TUFT1: variants seen among roughly 807,000 people sequenced by gnomAD.
TUFT1 encodes tuftelin.
Under a neutral mutation model 57.8 loss-of-function variants are expected in TUFT1, and 43 were observed. That is an observed-to-expected ratio of 0.74 (90% CI 0.58 to 0.96). TUFT1 has a LOEUF of 0.96. Among genes scored for constraint, TUFT1 ranks in the 40% least tolerant of loss-of-function variants. The pLI is 0.00. For missense variants in TUFT1, 459 were observed against 489.0 expected (o/e 0.94, Z 0.58); for synonymous variants, 166 against 176.7 (o/e 0.94, Z 0.48).
chr1:151,559,977 G>T (rs527383089), intron 1 of TUFT1, among the ~76,000 whole-genome samples: 2 of 151,604 alleles, frequency 1.3e-5, no homozygotes, highest in Non-Finnish European at 2.9e-5. Flanking sequence ...TGTATTTTTG[G>T]TAGAGATGGG....
Position 151,574,976 on chromosome 1 carries a change from C to T in TUFT1, c.789C>T (p.Asn263=). 6.4e-7 allele frequency: 1 copy of T among 1,572,042 alleles called. No homozygotes were observed. The highest frequency in any genetic ancestry group is 8.6e-7 in the Non-Finnish European group (1 of 1,158,096). Reference sequence around the variant, plus strand: ...TGGCCCTAGAGGAACTTCGGAGCAACAATGCTGACTGCCAAGCAGAACGAG... The same window carrying T: ...TGGCCCTAGAGGAACTTCGGAGCAATAATGCTGACTGCCAAGCAGAACGAG... ...GEVALEELRS[N]NADCQAEREK... is the part of the protein sequence containing the mutation. The change falls in exon 9 of 13, where the codon AAC becomes AAT. Residue 263 remains asparagine, a synonymous_variant. Coordinates refer to ENST00000368849, the MANE Select transcript of TUFT1 (RefSeq NM_020127.3).
chr1:151,547,756 A>G (rs1276825659), intron 1 of TUFT1, among the ~76,000 whole-genome samples: 1 of 152,156 alleles, frequency 6.6e-6, no homozygotes, highest in Admixed American at 6.5e-5. Flanking sequence ...GGTGTCCTAG[A>G]GTGAGACTGG....
intron 10 of TUFT1, 24 bp from the exon 11 acceptor site, chr1:151,579,625 C>A: frequency 1.2e-6 from 2 of 1,612,958 alleles, no homozygotes; most frequent in South Asian, 1.1e-5. Flanking sequence ...AAAATGAGCT[C>A]CAGTGTCTCC....
intron 1 of TUFT1, among the ~76,000 whole-genome samples, chr1:151,554,641 A>G (rs528396705): frequency 7.5e-6 from 1 of 132,574 alleles, no homozygotes; most frequent in South Asian, 2.4e-4. Flanking sequence ...CTCGTGATCT[A>G]CCTACCTTGG....
chr1:151,555,049 C>T (rs1366212479), intron 1 of TUFT1, among the ~76,000 whole-genome samples: 22 of 147,616 alleles, frequency 1.5e-4, no homozygotes, highest in African/African-American at 4.0e-4. Flanking sequence ...ATTTTAAGGC[C>T]GGGCATGGTG....
At position 151,556,198 on chromosome 1, in the gene TUFT1, A is replaced by G. The variant is rs142194187; in HGVS notation, c.61-5893A>G. 5.1e-3 allele frequency among the ~76,000 whole-genome samples: 780 copies of G among 152,320 alleles called. 26 individuals carry two copies. Among genetic ancestry groups the G allele is most frequent in the Admixed American group, 0.039 (604 of 15,302 alleles). ...AGTTTGATCCTTTTTATTGCTGAGTAGTATTCCACAATAACAGATGTGCCA... is the reference window on the plus strand; with the variant it reads ...AGTTTGATCCTTTTTATTGCTGAGTGGTATTCCACAATAACAGATGTGCCA... On this transcript the variant is annotated intron_variant, in intron 1 of 12. Transcript: ENST00000368849.
intron 1 of TUFT1, among the ~76,000 whole-genome samples, chr1:151,542,338 A>G (rs1211494150): frequency 6.6e-6 from 1 of 151,706 alleles, no homozygotes; most frequent in Non-Finnish European, 1.5e-5. Flanking sequence ...CTCCTACCTC[A>G]GTCTCCCCAA....
At position 151,574,359 on chromosome 1, in the gene TUFT1, A is replaced by G. The variant is rs781298619; in HGVS notation, c.684A>G (p.Glu228=). The change falls in exon 8 of 13, where the codon GAA becomes GAG. Residue 228 remains glutamate (E), a synonymous_variant. Transcript: ENST00000368849. ...EEDRVEQKEA[E]VGELQRRLLG... is the part of the protein sequence containing the mutation. ...ACAGAGTGGAGCAGAAAGAGGCAGA[A>G]GTCGGAGAGCTGCAGAGGCGCTTGC... 1 of 1,614,172 alleles carries G rather than the reference A, an allele frequency of 6.2e-7. No homozygotes were observed. The highest frequency in any genetic ancestry group is 8.5e-7 in the Non-Finnish European group (1 of 1,180,012).
chr1:151,557,872 G>A, intron 1 of TUFT1: 1 of 733,100 alleles, frequency 1.4e-6, no homozygotes, highest in East Asian at 2.6e-5. Flanking sequence ...TGAGGCTGGG[G>A]CTGGGTCAGC....
At chr1:151,542,668 G>A (rs1476705788) in intron 1 of TUFT1, among the ~76,000 whole-genome samples, 1 of 152,194 alleles carries the variant, frequency 6.6e-6, no homozygotes, top group African/African-American at 2.4e-5. Context: ...TCTAGAGCAA[G>A]GGAGAGACAG....
chr1:151,561,615 C>T (rs1571701469), intron 1 of TUFT1: 3 of 1,186,406 alleles, frequency 2.5e-6, no homozygotes, highest in East Asian at 6.0e-5. Context: ...CCATGTGGCT[C>T]ATAGAAATGG....
chr1:151,576,747 G>C (rs1666476113), intron 9 of TUFT1, among the ~76,000 whole-genome samples: 1 of 152,010 alleles, frequency 6.6e-6, no homozygotes, highest in Non-Finnish European at 1.5e-5. Context: ...CAGCCTCCCA[G>C]GAGGTAGCTA....
Position 151,557,399 on chromosome 1 carries a change from C to G in TUFT1, c.61-4692C>G, listed in dbSNP as rs1173645464. On this transcript the variant is annotated intron_variant, in intron 1 of 12. Transcript: ENST00000368849. ...AATCATCAAATGTAACTTAGAAAACCTAAGAGGGGCTTTCCAGCCCCAGCC... is the reference window on the plus strand; with the variant it reads ...AATCATCAAATGTAACTTAGAAAACGTAAGAGGGGCTTTCCAGCCCCAGCC... The G allele has an allele frequency of 6.0e-6, 5 of 830,432 alleles. No individual in the cohort carries two copies. The African/African-American group carries it at 6.8e-5, about 11-fold the overall frequency. The allele number at this position is 830,432 out of a possible 1,614,324, so 51.4% of individuals were successfully genotyped here. A position where few individuals can be genotyped will look rare whatever the true frequency, so the allele number is the denominator to read the frequency against.
chr1:151,578,709 C>A lies in TUFT1; in HGVS notation c.819-12C>A. 2 of 1,550,274 alleles carry A rather than the reference C, an allele frequency of 1.3e-6. No individual in the cohort carries two copies. Among genetic ancestry groups the A allele is most frequent in the South Asian group, 2.4e-5 (2 of 84,190 alleles). ...TGTTCCATTGCCTCAGCCTTCTGGT[C>A]TTTATCCCCAGGGCTGCTACCCTGG... On this transcript the variant is annotated splice_polypyrimidine_tract_variant and intron_variant, in intron 9 of 12. Coordinates refer to ENST00000368849, the MANE Select transcript of TUFT1 (RefSeq NM_020127.3).
chr1:151,552,346 A>G (rs1362836548), intron 1 of TUFT1, among the ~76,000 whole-genome samples: 1 of 152,216 alleles, frequency 6.6e-6, no homozygotes, highest in East Asian at 1.9e-4. Context: ...TGTATGTGCC[A>G]GGGCAAAGGG....
At chr1:151,562,811 T>C in intron 3 of TUFT1, 125 bp downstream of exon 3, 1 of 726,232 alleles carries the variant, frequency 1.4e-6, no homozygotes, top group East Asian at 2.7e-5. Flanking sequence ...AGACCTGAGC[T>C]GCTAGTTCCT....
chr1:151,572,239 A>G lies in TUFT1; in HGVS notation c.595-2031A>G. Among the ~76,000 whole-genome samples, 4 of 121,048 alleles carry G rather than the reference A, an allele frequency of 3.3e-5. No homozygotes were observed. The East Asian group carries it at 8.8e-4, about 27-fold the overall frequency. The allele number at this position is 121,048 out of a possible 152,430, so 79.4% of individuals were successfully genotyped here. A position where few individuals can be genotyped will look rare whatever the true frequency, so the allele number is the denominator to read the frequency against. On this transcript the variant is annotated intron_variant, in intron 7 of 12. Coordinates refer to ENST00000368849, the MANE Select transcript of TUFT1 (RefSeq NM_020127.3). ...ATGGTACATAAATAATTTTTTTTTT[A>G]AAAAAGGAGGTGCTCCTCGGGTCAT...
intron 1 of TUFT1, among the ~76,000 whole-genome samples, chr1:151,544,444 G>C (rs912293803): frequency 1.3e-5 from 2 of 152,126 alleles, no homozygotes; most frequent in Non-Finnish European, 2.9e-5. Context: ...TTACAGGCAT[G>C]GGCCACCATG....
chr1:151,543,120 C>G, intron 1 of TUFT1, among the ~76,000 whole-genome samples: 1 of 152,146 alleles, frequency 6.6e-6, no homozygotes, highest in Non-Finnish European at 1.5e-5. Context: ...AGGGCCAATA[C>G]ACTCTCTGGG....
Sources: allele counts gnomAD v4.1 joint callset (sites outside exome capture counted in the v4.1 genomes callset), GRCh38; gene constraint gnomAD v4.1.1; transcripts MANE v1.5; gene names NCBI Gene and HGNC (gene_info 2026-07-23, HGNC 2026-07-21).